KDM4B: variants seen among roughly 807,000 people sequenced by gnomAD.
The protein encoded by KDM4B is lysine demethylase 4B, also known as lysine-specific demethylase 4B.
In KDM4B, 32 loss-of-function variants were observed where a neutral mutation model predicts 125.2. That is an observed-to-expected ratio of 0.26 (90% confidence interval 0.19 to 0.34). KDM4B has a LOEUF of 0.34. Ranked by LOEUF, KDM4B falls within the 10% of genes least tolerant of loss-of-function variation. The pLI is 1.00. For synonymous variants in KDM4B, 721 were observed against 677.9 expected, an observed-to-expected ratio of 1.06 and a Z score of -0.99; for missense variants, 1,190 against 1,577.7, an observed-to-expected ratio of 0.75 and a Z score of 4.16.
intron 9 of KDM4B, among the ~76,000 whole-genome samples, chr19:5,108,921 C>A (rs188886700): frequency 2.0e-5 from 3 of 152,284 alleles, no homozygotes; most frequent in Admixed American, 6.5e-5. Flanking sequence ...CTGCCCCCCA[C>A]GCCCCGAGCT....
At chr19:4,975,262 C>T (rs942390842) in intron 1 of KDM4B, among the ~76,000 whole-genome samples, 4 of 152,184 alleles carry the variant, frequency 2.6e-5, no homozygotes, top group African/African-American at 7.2e-5. Flanking sequence ...CTCCCGTGGG[C>T]GAGTGTGCCT....
intron 21 of KDM4B, among the ~76,000 whole-genome samples, chr19:5,149,202 C>G (rs940676072): frequency 6.6e-6 from 1 of 152,270 alleles, no homozygotes; most frequent in Non-Finnish European, 1.5e-5. Flanking sequence ...CCCGGGCCCC[C>G]CCGCTGCACA....
chr19:5,041,185 C>T lies in KDM4B; in HGVS notation c.366C>T (p.Tyr122=), dbSNP rs1267296295. 4 of 1,613,194 alleles carry T rather than the reference C, an allele frequency of 2.5e-6. No homozygotes were observed. In the South Asian group the frequency reaches 4.4e-5, roughly 18 times the overall value. ...HQDFDDLERK[Y]WKNLTFVSPI... ...ACTTTGATGACCTTGAACGCAAATA[C>T]TGGAAGAACCTCACCTTTGTCTCCC... The change falls in exon 5 of 23, where the codon TAC becomes TAT. Residue 122 remains tyrosine, a synonymous_variant. Transcript: ENST00000159111.
At chr19:5,047,336 CCTGGGGGGGCCGCAGATA>C in intron 5 of KDM4B, 122 bp from the exon 6 acceptor site, 1 of 728,878 alleles carries the variant, frequency 1.4e-6, no homozygotes, top group Non-Finnish European at 2.2e-6. Context: ...ATGACCGGCC[CCTGGGGGGGCCGCAGATA>C]CTGGGGTGGA....
At chr19:5,089,060 C>T (rs959491886) in intron 9 of KDM4B, among the ~76,000 whole-genome samples, 13 of 152,086 alleles carry the variant, frequency 8.5e-5, no homozygotes, top group African/African-American at 1.9e-4. Flanking sequence ...AGGGTGACAA[C>T]GGATGGGGAC....
Position 5,137,324 on chromosome 19 carries a change from C to G in KDM4B, c.2371C>G (p.His791Asp). 6.4e-7 allele frequency: 1 copy of G among 1,571,762 alleles called. No individual in the cohort carries two copies. Among genetic ancestry groups the G allele is most frequent in the Non-Finnish European group, 8.6e-7 (1 of 1,158,668 alleles). The change falls in exon 16 of 23, where the codon CAC becomes GAC. Residue 791 changes from histidine to aspartate, a missense_variant. Physicochemically the swap from His to Asp is moderately conservative, Grantham distance 81. This residue lies in a region of KDM4B where 298 missense variants were observed against 439.7 expected (regional missense o/e 0.68). Coordinates refer to ENST00000159111, the MANE Select transcript of KDM4B (RefSeq NM_015015.3). ...CTGGACGTGTTCCCGGTGCGCGGCC[C>G]ACGCCTGGACTGCGGTAACTCGCTC... is the stretch of plus-strand genomic sequence containing the variant. The part of the protein sequence containing the change: ...EGWTCSRCAA[H>D]AWTAECCLCN...
At chr19:5,090,481 T>TCTCTTTCTCTCCCCCC (rs2038667986) in intron 9 of KDM4B, among the ~76,000 whole-genome samples, 4 of 24,046 alleles carry the variant, frequency 1.7e-4, no homozygotes, top group Non-Finnish European at 2.4e-4. Flanking sequence ...TCTCCCCCCC[T>TCTCTTTCTCTCCCCCC]CTCTTTCTCT....
chr19:5,106,551 A>G (rs2039038957), intron 9 of KDM4B, among the ~76,000 whole-genome samples: 1 of 152,180 alleles, frequency 6.6e-6, no homozygotes, highest in African/African-American at 2.4e-5. Context: ...AGGACCCAGC[A>G]GCCACCCGGC....
At position 5,131,376 on chromosome 19, in the gene KDM4B, C is replaced by T. The variant is rs756057365; in HGVS notation, c.1616C>T (p.Ala539Val). 27 of 1,611,734 alleles carry T rather than the reference C, an allele frequency of 1.7e-5. No homozygotes were observed. Among genetic ancestry groups the T allele is most frequent in the South Asian group, 3.3e-5 (3 of 91,038 alleles). ...LYVVPRPGKAAFNQEHVSCQQ... is the reference protein window; with the variant it reads ...LYVVPRPGKAVFNQEHVSCQQ... ...GTGGTGCCGCGGCCGGGCAAGGCAG[C>T]CTTCAACCAGGAGCACGTGTCCTGC... is the stretch of plus-strand genomic sequence containing the variant. The change falls in exon 12 of 23, where the codon GCC becomes GTC. Residue 539 changes from alanine to valine, a missense_variant. By Grantham distance (64) the Ala-to-Val change is moderately conservative. This residue lies in a region of KDM4B where 428 missense variants were observed against 405.1 expected (regional missense o/e 1.06). Coordinates refer to ENST00000159111, the MANE Select transcript of KDM4B (RefSeq NM_015015.3).
chr19:4,988,778 T>C (rs1244539181), intron 1 of KDM4B, among the ~76,000 whole-genome samples: 1 of 152,210 alleles, frequency 6.6e-6, no homozygotes, highest in Admixed American at 6.5e-5. Flanking sequence ...CACGCATTCA[T>C]CTGTGGGGAA....
chr19:5,079,796 G>A (rs1177966087), intron 8 of KDM4B, among the ~76,000 whole-genome samples: 1 of 152,186 alleles, frequency 6.6e-6, no homozygotes, highest in Non-Finnish European at 1.5e-5. Context: ...CAAGCTCCTG[G>A]GCATAAGTGT....
At chr19:5,000,304 T>C in intron 1 of KDM4B, among the ~76,000 whole-genome samples, 1 of 141,338 alleles carries the variant, frequency 7.1e-6, no homozygotes, top group Non-Finnish European at 1.5e-5. Context: ...CACCGATCCA[T>C]CTGTCCGTCT....
At chr19:5,004,690 G>C (rs964581336) in intron 1 of KDM4B, among the ~76,000 whole-genome samples, 3 of 152,108 alleles carry the variant, frequency 2.0e-5, no homozygotes, top group African/African-American at 4.8e-5. Context: ...CCGTACCCCC[G>C]TGCGGTGAGC....
Position 5,041,135 on chromosome 19 carries a change from A to G in KDM4B, c.318-2A>G. 1.2e-6 allele frequency: 2 copies of G among 1,602,854 alleles called. No homozygotes were observed. Among genetic ancestry groups the G allele is most frequent in the Non-Finnish European group, 1.7e-6 (2 of 1,170,866 alleles). ...GCTGGTTTTGGGGTGTTTGTTCACC[A>G]GGTACTGTACCCCGCGGCACCAGGA... On this transcript the variant is annotated splice_acceptor_variant, in intron 4 of 22. Coordinates refer to ENST00000159111, the MANE Select transcript of KDM4B (RefSeq NM_015015.3). LOFTEE classifies it high-confidence loss of function.
At chr19:5,027,300 A>G (rs998784529) in intron 2 of KDM4B, among the ~76,000 whole-genome samples, 6 of 152,158 alleles carry the variant, frequency 3.9e-5, no homozygotes, top group Non-Finnish European at 7.3e-5. Flanking sequence ...TCTCTCTGTG[A>G]CCGTGAAGCC....
intron 1 of KDM4B, among the ~76,000 whole-genome samples, chr19:5,014,158 T>G (rs2035817070): frequency 6.6e-6 from 1 of 152,270 alleles, no homozygotes; most frequent in Non-Finnish European, 1.5e-5. Flanking sequence ...GCATTATTTA[T>G]TTTTTTGAGA....
intron 1 of KDM4B, among the ~76,000 whole-genome samples, chr19:4,988,149 A>G (rs1194217808): frequency 6.6e-6 from 1 of 152,210 alleles, no homozygotes; most frequent in African/African-American, 2.4e-5. Context: ...TGGGGGCTGC[A>G]TCGGGCAGGA....
At chr19:5,031,604 C>A (rs1027269812) in intron 2 of KDM4B, among the ~76,000 whole-genome samples, 1 of 149,886 alleles carries the variant, frequency 6.7e-6, no homozygotes, top group South Asian at 2.1e-4. Flanking sequence ...TGGGGCTCAG[C>A]GCTGGGTATC....
chr19:5,111,930 C>G, intron 10 of KDM4B: 1 of 706,148 alleles, frequency 1.4e-6, no homozygotes. Flanking sequence ...CTACCAAATA[C>G]GATAATTTTT....
Sources: allele counts gnomAD v4.1 joint callset (sites outside exome capture counted in the v4.1 genomes callset), GRCh38; gene constraint gnomAD v4.1.1; regional missense constraint gnomAD v4.1.1; transcripts MANE v1.5; gene names NCBI Gene and HGNC (gene_info 2026-07-23, HGNC 2026-07-21).